ASAP1: variants seen among roughly 807,000 people sequenced by gnomAD.
ASAP1 encodes arf-GAP with SH3 domain, ANK repeat and PH domain-containing protein 1.
Under a neutral mutation model 145.2 loss-of-function variants are expected in ASAP1, and 43 were observed. The ratio of observed to expected loss-of-function variants is 0.30; its 90% CI spans 0.23 to 0.38. The LOEUF (loss-of-function observed/expected upper bound fraction) is 0.38. ASAP1 is among the 10% of genes least tolerant of loss of function. ASAP1 has a pLI of 1.00. For synonymous variants in ASAP1, 546 were observed against 515.5 expected (o/e 1.06, Z -0.80); for missense variants, 1,018 against 1,355.3 (o/e 0.75, Z 3.91).
chr8:130,198,228 G>A (rs1344008243), intron 5 of ASAP1, among the ~76,000 whole-genome samples: 1 of 151,262 alleles, frequency 6.6e-6, no homozygotes, highest in East Asian at 1.9e-4. Context: ...GGGTTCAAGC[G>A]ATTCTCCTGT....
chr8:130,333,327 C>A (rs577964648), intron 3 of ASAP1, among the ~76,000 whole-genome samples: 3 of 151,920 alleles, frequency 2.0e-5, no homozygotes, highest in Non-Finnish European at 4.4e-5. Context: ...GCTGGCTGGG[C>A]GCGGTGGCTC....
chr8:130,150,486 C>A (rs1261762848), intron 13 of ASAP1, among the ~76,000 whole-genome samples: 1 of 152,170 alleles, frequency 6.6e-6, no homozygotes, highest in African/African-American at 2.4e-5. Context: ...CATGATAAAA[C>A]CATCATATAA....
intron 3 of ASAP1, among the ~76,000 whole-genome samples, chr8:130,276,738 T>A (rs1387611215): frequency 2.4e-4 from 35 of 143,310 alleles, no homozygotes; most frequent in African/African-American, 4.2e-4. Flanking sequence ...ACTCTCTCTC[T>A]CTCTCTCTCT....
chr8:130,330,173 CAG>C (rs936488141), intron 3 of ASAP1, among the ~76,000 whole-genome samples: 1 of 152,192 alleles, frequency 6.6e-6, no homozygotes, highest in Non-Finnish European at 1.5e-5. Context: ...CCCACAAAGA[CAG>C]AGAGAGAGAT....
At chr8:130,134,587 A>T (rs1406010168) in intron 14 of ASAP1, among the ~76,000 whole-genome samples, 1 of 152,178 alleles carries the variant, frequency 6.6e-6, no homozygotes, top group African/African-American at 2.4e-5. Context: ...AGTGACTTAC[A>T]CAAGGTCACA....
In ASAP1 at chr8:130,358,453, G is replaced by A. The variant is rs1263106037; in HGVS notation, c.60-310C>T. Among the ~76,000 whole-genome samples the A allele has an allele frequency of 6.7e-6, 1 of 148,486 alleles. No homozygotes were observed. The highest frequency in any genetic ancestry group is 1.5e-5 in the Non-Finnish European group (1 of 66,522). The stretch of plus-strand genomic sequence containing the variant: ...GCGGCGGCAGCTCCTCAGCGGCGGG[G>A]GAGGGGACGCGGCTGCGCGCGGGGT... On this transcript the variant is annotated intron_variant, in intron 2 of 29. Coordinates refer to ENST00000518721, the MANE Select transcript of ASAP1 (RefSeq NM_018482.4). The surrounding 1 kb of genome is among the most constrained non-coding windows in gnomAD (Gnocchi z 4.1).
rs1813505867 is a variant in ASAP1, at chr8:130,170,385, C to T, written c.747-1318G>A. Among the ~76,000 whole-genome samples the T allele has an allele frequency of 2.0e-5, 3 of 152,068 alleles. No homozygotes were observed. In the South Asian group the frequency reaches 6.2e-4, roughly 32 times the overall value. ...GATCAGGCTCGTCTTGAACTCCTGA[C>T]CTCAAGTGATCTGCCCACCTCGGCC... On this transcript the variant is annotated intron_variant, in intron 9 of 29. Transcript: ENST00000518721.
intron 2 of ASAP1, among the ~76,000 whole-genome samples, chr8:130,362,496 T>A (rs544435887): frequency 6.6e-6 from 1 of 152,330 alleles, no homozygotes; most frequent in South Asian, 2.1e-4. Flanking sequence ...AAAATATGGA[T>A]AAGTAGGCTG....
intron 3 of ASAP1, among the ~76,000 whole-genome samples, chr8:130,305,409 C>T (rs932904111): frequency 3.3e-5 from 5 of 152,146 alleles, no homozygotes; most frequent in Admixed American, 2.6e-4. Context: ...TCCAGTGGTG[C>T]GATCTCGGCT....
chr8:130,197,375 G>T (rs1336030313), intron 5 of ASAP1, among the ~76,000 whole-genome samples: 2 of 152,214 alleles, frequency 1.3e-5, no homozygotes, highest in East Asian at 3.9e-4. Context: ...GCTGCAGTGA[G>T]CTGAGATCAT....
At chr8:130,122,847 T>C (rs2097568786) in intron 18 of ASAP1, among the ~76,000 whole-genome samples, 1 of 152,190 alleles carries the variant, frequency 6.6e-6, no homozygotes, top group South Asian at 2.1e-4. Flanking sequence ...AAACAGGACA[T>C]AAAAACCCAT....
At chr8:130,136,907 T>C (rs2097596135) in intron 14 of ASAP1, 44 bp downstream of exon 14, 3 of 1,524,138 alleles carry the variant, frequency 2.0e-6, no homozygotes, top group Admixed American at 1.7e-5. Context: ...TGTGCAGGTG[T>C]CAGAAGCCAC....
intron 3 of ASAP1, among the ~76,000 whole-genome samples, chr8:130,305,244 T>C (rs1822921120): frequency 6.6e-6 from 1 of 152,208 alleles, no homozygotes; most frequent in South Asian, 2.1e-4. Flanking sequence ...CTGTCCCCAC[T>C]AAAAAACAAA....
At chr8:130,223,242 T>G (rs781508657) in intron 4 of ASAP1, among the ~76,000 whole-genome samples, 34 of 152,064 alleles carry the variant, frequency 2.2e-4, no homozygotes, top group Non-Finnish European at 4.9e-4. Context: ...TAGACAACAT[T>G]TGGTGAAAGA....
At chr8:130,180,604 A>T (rs1302557016) in intron 8 of ASAP1, 147 bp downstream of exon 8, 2 of 1,072,258 alleles carry the variant, frequency 1.9e-6, no homozygotes, top group Non-Finnish European at 2.6e-6. Flanking sequence ...AAAGGCTTGG[A>T]GAAAAATGGA....
intron 3 of ASAP1, among the ~76,000 whole-genome samples, chr8:130,282,659 T>G (rs1371095021): frequency 6.6e-6 from 1 of 152,178 alleles, no homozygotes; most frequent in African/African-American, 2.4e-5. Flanking sequence ...AATCACTGAT[T>G]TGGCAATTAC....
chr8:130,253,999 C>T (rs1456529473), intron 3 of ASAP1, among the ~76,000 whole-genome samples: 3 of 152,040 alleles, frequency 2.0e-5, no homozygotes, highest in African/African-American at 7.2e-5. Context: ...CCAGTTTGGG[C>T]AACAAGAGTG....
chr8:130,235,814 C>A (rs147684755), intron 4 of ASAP1, among the ~76,000 whole-genome samples: 9 of 152,172 alleles, frequency 5.9e-5, no homozygotes, highest in African/African-American at 2.2e-4. Flanking sequence ...TCTGATGAGA[C>A]GGGAAGGCCA....
intron 27 of ASAP1, among the ~76,000 whole-genome samples, chr8:130,073,403 A>AG (rs1360007683): frequency 6.6e-6 from 1 of 151,908 alleles, no homozygotes; most frequent in African/African-American, 2.4e-5. Context: ...AAAAAAAAAA[A>AG]AACAAATACA....
Sources: gnomAD v4.1 joint callset for allele counts (sites outside exome capture counted in the v4.1 genomes callset) on GRCh38, gnomAD v4.1.1 for gene constraint, Gnocchi (gnomAD v3.1) non-coding constraint, MANE v1.5 for transcripts, NCBI Gene and HGNC (gene_info 2026-07-23, HGNC 2026-07-21) for gene names.